Variants in KANSL1 observed in about 807,000 individuals in gnomAD.
KANSL1 encodes KAT8 regulatory NSL complex subunit 1.
A neutral mutation model predicts 103.6 loss-of-function variants in KANSL1; 22 were observed. That is an observed-to-expected ratio of 0.21 (90% CI 0.15 to 0.30). KANSL1 has a LOEUF of 0.30. Among genes scored for constraint, KANSL1 ranks in the 10% least tolerant of loss-of-function variants. KANSL1 has a pLI of 1.00. For synonymous variants in KANSL1, 600 were observed against 527.6 expected (o/e 1.14, Z -1.88); for missense variants, 1,337 against 1,399.8 (o/e 0.96, Z 0.72).
intron 4 of KANSL1, among the ~76,000 whole-genome samples, chr17:46,080,313 A>T (rs1468299599): frequency 3.2e-5 from 1 of 31,404 alleles, no homozygotes; most frequent in Admixed American, 2.7e-4. Context: ...AGCCTGTCTT[A>T]AAAAAAAAAA....
chr17:46,081,317 T>A (rs1204781487), intron 4 of KANSL1, among the ~76,000 whole-genome samples: 1 of 152,234 alleles, frequency 6.6e-6, no homozygotes, highest in Non-Finnish European at 1.5e-5. Flanking sequence ...AATGTATCTA[T>A]GTTTCCTTTC....
At chr17:46,149,866 A>G (rs1045293475) in intron 2 of KANSL1, among the ~76,000 whole-genome samples, 5 of 151,712 alleles carry the variant, frequency 3.3e-5, no homozygotes, top group Non-Finnish European at 7.4e-5. Flanking sequence ...TACAAAAAAA[A>G]AAAAAATTAG....
chr17:46,058,739 ACACACTCTCT>A (rs1428089495), intron 6 of KANSL1, among the ~76,000 whole-genome samples: 75 of 30,114 alleles, frequency 2.5e-3, no homozygotes, highest in African/African-American at 5.0e-3. Context: ...ACACACACAC[ACACACTCTCT>A]CTCTCTCTCT....
intron 2 of KANSL1, among the ~76,000 whole-genome samples, chr17:46,116,306 G>A (rs543454600): frequency 1.8e-4 from 27 of 152,298 alleles, no homozygotes; most frequent in South Asian, 1.4e-3. Flanking sequence ...CAAGGCAGGC[G>A]GATCACGAGG....
At chr17:46,176,017 T>C (rs2046503025) in intron 1 of KANSL1, among the ~76,000 whole-genome samples, 1 of 152,198 alleles carries the variant, frequency 6.6e-6, no homozygotes, top group Non-Finnish European at 1.5e-5. Context: ...TACCAGATAA[T>C]TCCCATCAAT....
intron 1 of KANSL1, among the ~76,000 whole-genome samples, chr17:46,186,375 CTG>C (rs2047035819): frequency 6.8e-6 from 1 of 147,068 alleles, no homozygotes; most frequent in Non-Finnish European, 1.5e-5. Flanking sequence ...CAGAGCGAGA[CTG>C]TGTCTCAAAA....
chr17:46,125,357 G>GT, intron 2 of KANSL1, among the ~76,000 whole-genome samples: 1 of 152,306 alleles, frequency 6.6e-6, no homozygotes, highest in African/African-American at 2.4e-5. Context: ...TAGTGTAAAT[G>GT]TAACTTTTAT....
chr17:46,103,093 C>G (rs558283267), intron 2 of KANSL1, among the ~76,000 whole-genome samples: 10 of 152,122 alleles, frequency 6.6e-5, no homozygotes, highest in Non-Finnish European at 1.5e-4. Flanking sequence ...CAGTGAACAA[C>G]GAAAAGAATT....
chr17:46,031,834 A>T, intron 14 of KANSL1, 131 bp from the exon 15 acceptor site: 4 of 1,043,726 alleles, frequency 3.8e-6, no homozygotes, highest in Non-Finnish European at 5.6e-6. Context: ...ACAGTCTGGG[A>T]ACACCCCTCC....
intron 2 of KANSL1, among the ~76,000 whole-genome samples, chr17:46,115,226 A>AT (rs35014258): frequency 0.14 from 21,532 of 151,618 alleles, 2,084 homozygotes; most frequent in Non-Finnish European, 0.21. Context: ...CACCCAGCTA[A>AT]TTTTTTTATT....
chr17:46,144,632 G>A (rs898943118), intron 2 of KANSL1, among the ~76,000 whole-genome samples: 4 of 152,084 alleles, frequency 2.6e-5, no homozygotes, highest in African/African-American at 9.7e-5. Flanking sequence ...GGAAATTAGA[G>A]ACATCCCCCT....
chr17:46,150,484 C>CA (rs2045030504), intron 2 of KANSL1, among the ~76,000 whole-genome samples: 1 of 152,208 alleles, frequency 6.6e-6, no homozygotes, highest in South Asian at 2.1e-4. Context: ...AATTTATTTA[C>CA]AAGTCATCTC....
chr17:46,184,781 A>G (rs1334093722), intron 1 of KANSL1, among the ~76,000 whole-genome samples: 1 of 151,048 alleles, frequency 6.6e-6, no homozygotes, highest in Non-Finnish European at 1.5e-5. Flanking sequence ...GCTATTGCTC[A>G]TGGTACAATA....
intron 3 of KANSL1, among the ~76,000 whole-genome samples, chr17:46,089,511 A>C (rs1201189185): frequency 6.6e-6 from 1 of 151,826 alleles, no homozygotes; most frequent in Non-Finnish European, 1.5e-5. Context: ...CCCGAAGACA[A>C]ATTATAACTC....
At chr17:46,067,473 G>T in intron 5 of KANSL1, 76 bp downstream of exon 5, 1 of 892,782 alleles carries the variant, frequency 1.1e-6, no homozygotes, top group Non-Finnish European at 1.9e-6. Context: ...GGTCAGTCCT[G>T]GCTAAAGAGA....
In KANSL1 at chr17:46,031,325, GA is replaced by G. The variant is rs905971553; in HGVS notation, c.*150del. ...AAAAACAAAACAAAAATTAAAACAA[GA>G]AAAAAAAATACCAAAGTAGGATCTA... On this transcript the variant is annotated 3_prime_UTR_variant, in exon 15 of 15. Coordinates refer to ENST00000432791, the MANE Select transcript of KANSL1 (RefSeq NM_015443.4). 117 of 763,830 alleles carry G rather than the reference GA, an allele frequency of 1.5e-4. No individual in the cohort carries two copies. The highest frequency in any genetic ancestry group is 3.1e-4 in the Middle Eastern group (1 of 3,234). 47.3% of individuals were successfully genotyped at this position (763,830 alleles called of 1,614,324 possible).
chr17:46,121,897 GCT>G (rs2043297521), intron 2 of KANSL1, among the ~76,000 whole-genome samples: 1 of 152,144 alleles, frequency 6.6e-6, no homozygotes, highest in Admixed American at 6.5e-5. Context: ...ACCTTAACGT[GCT>G]CAGAACACAT....
intron 1 of KANSL1, among the ~76,000 whole-genome samples, chr17:46,199,217 T>C (rs1400915114): frequency 6.6e-6 from 1 of 152,262 alleles, no homozygotes; most frequent in Non-Finnish European, 1.5e-5. Flanking sequence ...AAAGCTGGAA[T>C]CAGGGTCTCT....
intron 10 of KANSL1, chr17:46,035,423 G>C (rs1264916139): frequency 1.3e-5 from 2 of 152,216 alleles, no homozygotes; most frequent in Non-Finnish European, 2.9e-5. Flanking sequence ...AATGTTAAAA[G>C]TCAGCACTTC....
Sources: gnomAD v4.1 joint callset for allele counts (sites outside exome capture counted in the v4.1 genomes callset) on GRCh38, gnomAD v4.1.1 for gene constraint, MANE v1.5 for transcripts, NCBI Gene and HGNC (gene_info 2026-07-23, HGNC 2026-07-21) for gene names.